The following VPS8 variants were observed in gnomAD, a reference collection of about 807,000 sequenced individuals.
VPS8 encodes vacuolar protein sorting-associated protein 8 homolog.
In VPS8, 129 loss-of-function variants were observed where a neutral mutation model predicts 216.4. The ratio of observed to expected loss-of-function variants is 0.60; its 90% CI spans 0.52 to 0.69. The LOEUF (loss-of-function observed/expected upper bound fraction) is 0.69, where lower values mean the gene tolerates loss of function less well. Ranked by LOEUF, VPS8 falls within the 30% of genes least tolerant of loss-of-function variation. The pLI, the probability that VPS8 is intolerant of heterozygous loss-of-function variation, is 0.00. For synonymous variants in VPS8, 571 were observed against 565.4 expected (o/e 1.01, Z -0.14); for missense variants, 1,531 against 1,683.5 (o/e 0.91, Z 1.59).
At chr3:184,934,237 C>G (rs1376344527) in intron 34 of VPS8, among the ~76,000 whole-genome samples, 2 of 152,074 alleles carry the variant, frequency 1.3e-5, no homozygotes, top group Non-Finnish European at 2.9e-5. Flanking sequence ...GTGGCACCAT[C>G]TAGGTTCACT....
chr3:184,914,893 T>C, intron 26 of VPS8, 88 bp from the exon 27 acceptor site: 4 of 1,279,218 alleles, frequency 3.1e-6, no homozygotes, highest in Non-Finnish European at 4.6e-6. Context: ...ATTGAACTAG[T>C]ATCTCAAGTT....
intron 45 of VPS8, among the ~76,000 whole-genome samples, chr3:185,000,663 C>T (rs1753289115): frequency 6.8e-6 from 1 of 148,118 alleles, no homozygotes; most frequent in East Asian, 2.0e-4. Context: ...GGCTGGAGTG[C>T]AGTGGTGCGA....
chr3:184,849,060 G>T lies in VPS8; in HGVS notation c.542-11G>T. ...TTTCCTTCACTTGACTTTAAAAACT[G>T]CTTTCTTTAGATCAGAATCAAGCTT... is the stretch of plus-strand genomic sequence containing the variant. On this transcript the variant is annotated splice_polypyrimidine_tract_variant and intron_variant, in intron 8 of 47. Coordinates refer to ENST00000625842, the MANE Select transcript of VPS8 (RefSeq NM_001009921.3). The T allele has an allele frequency of 6.2e-7, 1 of 1,611,982 alleles. No homozygotes were observed. Among genetic ancestry groups the T allele is most frequent in the Non-Finnish European group, 8.5e-7 (1 of 1,178,574 alleles).
chr3:184,989,230 T>C (rs1751541525), intron 42 of VPS8, among the ~76,000 whole-genome samples: 1 of 152,228 alleles, frequency 6.6e-6, no homozygotes, highest in Non-Finnish European at 1.5e-5. Flanking sequence ...TTAAGTATGA[T>C]GTTAGCTGCA....
intron 22 of VPS8, among the ~76,000 whole-genome samples, chr3:184,889,358 A>G (rs566383354): frequency 6.6e-6 from 1 of 152,064 alleles, no homozygotes; most frequent in East Asian, 1.9e-4. Context: ...TATACTCCTC[A>G]CCTCCAAGAG....
chr3:184,942,734 AT>A (rs1157947246), intron 36 of VPS8, among the ~76,000 whole-genome samples: 1 of 152,178 alleles, frequency 6.6e-6, no homozygotes, highest in African/African-American at 2.4e-5. Context: ...GATTTAGATT[AT>A]GCTCTAAACT....
chr3:184,813,502 A>G (rs1054589474), intron 1 of VPS8, among the ~76,000 whole-genome samples: 6 of 152,206 alleles, frequency 3.9e-5, no homozygotes, highest in African/African-American at 1.4e-4. Flanking sequence ...TCATGGTTAA[A>G]TTTAAGCACA....
chr3:185,018,424 T>C (rs1756139387), intron 45 of VPS8, among the ~76,000 whole-genome samples: 1 of 152,244 alleles, frequency 6.6e-6, no homozygotes, highest in South Asian at 2.1e-4. Context: ...GGCATCATCC[T>C]GCATGACCAC....
At chr3:184,861,711 A>G (rs906192395) in intron 15 of VPS8, among the ~76,000 whole-genome samples, 3 of 152,226 alleles carry the variant, frequency 2.0e-5, no homozygotes, top group African/African-American at 7.2e-5. Context: ...ATTTACAACA[A>G]TGTCAACACT....
At chr3:184,935,574 G>T (rs1341037912) in intron 34 of VPS8, among the ~76,000 whole-genome samples, 3 of 152,174 alleles carry the variant, frequency 2.0e-5, no homozygotes, top group Non-Finnish European at 4.4e-5. Context: ...TGTCCCCACA[G>T]AGAAGGTACA....
At chr3:184,853,451 A>G (rs1724682205) in intron 11 of VPS8, among the ~76,000 whole-genome samples, 1 of 152,194 alleles carries the variant, frequency 6.6e-6, no homozygotes, top group Non-Finnish European at 1.5e-5. Context: ...AGATCTGAGG[A>G]AAATATTCCA....
In VPS8 at chr3:184,834,741, C is replaced by CT; in HGVS notation, c.447dup (p.Asp150Ter). ...ATTTCTGCCCAGATAGTGTCTGCAG[C>CT]TGTAAGTATTTTGTTCTTTTCCCTC... is the stretch of plus-strand genomic sequence containing the variant. On this transcript the variant is annotated frameshift_variant and splice_region_variant, in exon 5 of 48. Coordinates refer to ENST00000625842, the MANE Select transcript of VPS8 (RefSeq NM_001009921.3). LOFTEE classifies it high-confidence loss of function. The CT allele has an allele frequency of 6.4e-7, 1 of 1,556,208 alleles. No homozygotes were observed. Among genetic ancestry groups the CT allele is most frequent in the Non-Finnish European group, 8.7e-7 (1 of 1,148,872 alleles).
Position 184,894,820 on chromosome 3 carries a change from C to T in VPS8, c.1899C>T (p.Pro633=). Residue 633 remains proline (P), a synonymous_variant, in exon 23 of 48, where the codon CCC becomes CCT. Transcript: ENST00000625842. The part of the protein sequence containing the change: ...ILSDKLVGIT[P]QVMKDLIVHF... The stretch of plus-strand genomic sequence containing the variant: ...GTGATAAATTGGTGGGAATCACACC[C>T]CAAGTAATGAAAGACTTGATTGTTC... 6.2e-7 allele frequency: 1 copy of T among 1,610,330 alleles called. No individual in the cohort carries two copies. Among genetic ancestry groups the T allele is most frequent in the African/African-American group, 1.3e-5 (1 of 74,840 alleles).
At chr3:184,960,162 A>G (rs1746277981) in intron 37 of VPS8, among the ~76,000 whole-genome samples, 1 of 152,210 alleles carries the variant, frequency 6.6e-6, no homozygotes, top group Non-Finnish European at 1.5e-5. Context: ...TACAAAGGAC[A>G]TGAACTCATC....
intron 22 of VPS8, among the ~76,000 whole-genome samples, chr3:184,892,603 TA>T (rs1219138872): frequency 1.3e-5 from 2 of 152,130 alleles, no homozygotes; most frequent in Non-Finnish European, 2.9e-5. Context: ...TCGTTGAATA[TA>T]AAAAAAATTT....
chr3:184,826,675 G>C (rs983861730), intron 3 of VPS8, among the ~76,000 whole-genome samples: 3 of 152,190 alleles, frequency 2.0e-5, no homozygotes, highest in Non-Finnish European at 4.4e-5. Flanking sequence ...CACTTTTGAG[G>C]TTTGTATTAT....
chr3:184,985,639 T>C (rs1427328534), intron 42 of VPS8, among the ~76,000 whole-genome samples: 1 of 152,194 alleles, frequency 6.6e-6, no homozygotes, highest in East Asian at 1.9e-4. Context: ...GCCTCCTGGG[T>C]CCAGCTGATT....
intron 45 of VPS8, among the ~76,000 whole-genome samples, chr3:185,004,827 C>G (rs1223523631): frequency 6.6e-6 from 1 of 152,032 alleles, no homozygotes; most frequent in Non-Finnish European, 1.5e-5. Context: ...GTTTACTCTG[C>G]TGATTATTTC....
chr3:184,975,837 T>C (rs1207772798), intron 40 of VPS8, among the ~76,000 whole-genome samples: 1 of 152,186 alleles, frequency 6.6e-6, no homozygotes, highest in African/African-American at 2.4e-5. Flanking sequence ...ATTCTGTTGA[T>C]GTGATGTATC....
Sources: gnomAD v4.1 joint callset for allele counts (sites outside exome capture counted in the v4.1 genomes callset) on GRCh38, gnomAD v4.1.1 for gene constraint, MANE v1.5 for transcripts, NCBI Gene and HGNC (gene_info 2026-07-23, HGNC 2026-07-21) for gene names.